Variants in PLEKHA5 observed in about 807,000 individuals in gnomAD.
PLEKHA5 encodes pleckstrin homology domain containing A5, also known as pleckstrin homology domain-containing family A member 5.
PLEKHA5 carries 55 observed loss-of-function variants against 181.9 expected under a neutral mutation model. The observed-to-expected ratio is 0.30, with a 90% CI of 0.24 to 0.38. The LOEUF is 0.38. Ranked by LOEUF, PLEKHA5 falls within the 10% of genes least tolerant of loss-of-function variation. The pLI is 1.00. For missense variants in PLEKHA5, 1,432 were observed against 1,549.5 expected (o/e 0.92, Z 1.27); for synonymous variants, 535 against 529.4 (o/e 1.01, Z -0.15).
At chr12:19,276,843 C>T (rs573798787) in intron 11 of PLEKHA5, among the ~76,000 whole-genome samples, 1 of 152,280 alleles carries the variant, frequency 6.6e-6, no homozygotes, top group South Asian at 2.1e-4. Context: ...CCACAATATA[C>T]ATATTTCAAA....
chr12:19,334,868 A>ATATC (rs1279488392), intron 20 of PLEKHA5, among the ~76,000 whole-genome samples: 1 of 52,496 alleles, frequency 1.9e-5, no homozygotes, highest in African/African-American at 5.4e-5. Flanking sequence ...ATATATATAT[A>ATATC]TCTCTGTATA....
At chr12:19,311,388 A>G (rs1003704685) in intron 15 of PLEKHA5, among the ~76,000 whole-genome samples, 3 of 151,532 alleles carry the variant, frequency 2.0e-5, no homozygotes, top group Non-Finnish European at 2.9e-5. Flanking sequence ...GGCTGCAGTG[A>G]GCTGTGATTA....
chr12:19,186,006 GTC>G (rs2049784366), intron 3 of PLEKHA5, among the ~76,000 whole-genome samples: 1 of 152,106 alleles, frequency 6.6e-6, no homozygotes, highest in South Asian at 2.1e-4. Context: ...TTTGTTATCT[GTC>G]TCTCTAGGCT....
chr12:19,268,541 TAA>T (rs2071370221), intron 8 of PLEKHA5, among the ~76,000 whole-genome samples: 1 of 152,256 alleles, frequency 6.6e-6, no homozygotes, highest in Admixed American at 6.5e-5. Flanking sequence ...GCTTTACTCC[TAA>T]GTTTGCTGAC....
intron 7 of PLEKHA5, among the ~76,000 whole-genome samples, chr12:19,265,301 A>G (rs760393115): frequency 6.6e-6 from 1 of 152,230 alleles, no homozygotes; most frequent in Non-Finnish European, 1.5e-5. Flanking sequence ...TATTGAGAGT[A>G]GGCAATGGTA....
intron 30 of PLEKHA5, among the ~76,000 whole-genome samples, chr12:19,366,528 C>T (rs377346969): frequency 1.8e-4 from 28 of 152,202 alleles, no homozygotes; most frequent in African/African-American, 6.7e-4. Context: ...GTGGCAGCCA[C>T]CTCCAATCCC....
intron 3 of PLEKHA5, among the ~76,000 whole-genome samples, chr12:19,181,257 A>G: frequency 6.6e-6 from 1 of 152,218 alleles, no homozygotes; most frequent in Non-Finnish European, 1.5e-5. Context: ...TAGCACTAAG[A>G]TAAGATTATT....
At chr12:19,157,519 T>C (rs559320691) in intron 3 of PLEKHA5, among the ~76,000 whole-genome samples, 70 of 152,284 alleles carry the variant, frequency 4.6e-4, no homozygotes, top group African/African-American at 1.6e-3. Context: ...TCCGAAACTA[T>C]TTTTACTGGT....
rs150040643 is a variant in PLEKHA5, at chr12:19,228,113, G to T, written c.228-25827G>T. ...CATGGGAAAATCAGCTTTCTCAAGG[G>T]CATTTGTGATAAATCCAAATCCTTG... On this transcript the variant is annotated intron_variant, in intron 3 of 31. Coordinates refer to ENST00000429027, the MANE Select transcript of PLEKHA5 (RefSeq NM_001256470.2). Among the ~76,000 whole-genome samples the T allele has an allele frequency of 2.4e-3, 362 of 152,204 alleles. 1 individual carries two copies. The Middle Eastern group carries it at 0.024, about 10-fold the overall frequency.
chr12:19,267,706 G>A (rs2070987024), intron 8 of PLEKHA5, among the ~76,000 whole-genome samples: 1 of 150,592 alleles, frequency 6.6e-6, no homozygotes, highest in African/African-American at 2.4e-5. Flanking sequence ...GCTCATGCCT[G>A]TAATCCCAGC....
chr12:19,349,489 C>CAACAAAGTAA (rs1209244935), intron 25 of PLEKHA5, among the ~76,000 whole-genome samples: 1 of 152,018 alleles, frequency 6.6e-6, no homozygotes, highest in Non-Finnish European at 1.5e-5. Context: ...CACACAATAT[C>CAACAAAGTAA]AACAAAGTAA....
intron 3 of PLEKHA5, among the ~76,000 whole-genome samples, chr12:19,145,104 A>G: frequency 6.6e-6 from 1 of 152,212 alleles, no homozygotes. Context: ...TACCTATGCT[A>G]GTAATCAAGA....
chr12:19,132,919 A>G (rs895605243), intron 3 of PLEKHA5, among the ~76,000 whole-genome samples: 1 of 93,292 alleles, frequency 1.1e-5, no homozygotes, highest in African/African-American at 3.9e-5. Context: ...AGTTACGTGA[A>G]CATCTTTTTT....
intron 3 of PLEKHA5, chr12:19,149,684 A>G (rs979550654): frequency 6.6e-6 from 1 of 151,984 alleles, no homozygotes; most frequent in African/African-American, 2.4e-5. Flanking sequence ...GGCTTTGCTG[A>G]TCTTGGCAGG....
At chr12:19,185,421 C>T (rs1042458351) in intron 3 of PLEKHA5, among the ~76,000 whole-genome samples, 1 of 151,892 alleles carries the variant, frequency 6.6e-6, no homozygotes, top group Non-Finnish European at 1.5e-5. Flanking sequence ...GGATTTGAAG[C>T]TGTAAAGATG....
At chr12:19,333,937 G>A (rs2093110153) in intron 20 of PLEKHA5, among the ~76,000 whole-genome samples, 1 of 151,976 alleles carries the variant, frequency 6.6e-6, no homozygotes, top group African/African-American at 2.4e-5. Context: ...TGTATAGCCT[G>A]GCATTCTCTA....
chr12:19,130,203 C>A lies in PLEKHA5; in HGVS notation c.169+73C>A, dbSNP rs2033085318. 5.6e-6 allele frequency: 5 copies of A among 888,012 alleles called. No individual in the cohort carries two copies. The highest frequency in any genetic ancestry group is 5.1e-5 in the South Asian group (2 of 39,074). 55.0% of individuals were successfully genotyped at this position (888,012 alleles called of 1,614,324 possible). ...AGAGCCCGGGCCGCCCGGCTCCCCG[C>A]AACCTGCCCCGCGCCGCGGGCCCCG... On this transcript the variant is annotated intron_variant, in intron 2 of 31. Transcript: ENST00000429027. The surrounding 1 kb of genome is among the most constrained non-coding windows in gnomAD (Gnocchi z 4.5).
At chr12:19,346,109 ATC>A (rs2094314025) in intron 23 of PLEKHA5, among the ~76,000 whole-genome samples, 1 of 151,982 alleles carries the variant, frequency 6.6e-6, no homozygotes, top group Non-Finnish European at 1.5e-5. Context: ...TCTGCTTTTT[ATC>A]TGTTAGAATT....
chr12:19,291,718 CT>C, intron 15 of PLEKHA5, 21 bp downstream of exon 15: 1 of 1,368,926 alleles, frequency 7.3e-7, no homozygotes. Flanking sequence ...TAGAGATTTT[CT>C]TACTTTTAAT....
Sources: allele counts gnomAD v4.1 joint callset (sites outside exome capture counted in the v4.1 genomes callset), GRCh38; gene constraint gnomAD v4.1.1; non-coding constraint Gnocchi (gnomAD v3.1); transcripts MANE v1.5; gene names NCBI Gene and HGNC (gene_info 2026-07-23, HGNC 2026-07-21).